IL13: variants seen among roughly 807,000 people sequenced by gnomAD.
IL13 encodes interleukin-13.
IL13 carries 9 observed loss-of-function variants against 11.1 expected under a neutral mutation model. The observed-to-expected ratio is 0.81, with a 90% confidence interval of 0.49 to 1.42. IL13 has a LOEUF of 1.42. Ranked by LOEUF, IL13 falls within the 40% of genes most tolerant of loss-of-function variation. The pLI, the probability that IL13 is intolerant of heterozygous loss-of-function variation, is 0.00. For synonymous variants in IL13, 75 were observed against 76.9 expected, an observed-to-expected ratio of 0.97 and a Z score of 0.13; for missense variants, 181 against 182.5, an observed-to-expected ratio of 0.99 and a Z score of 0.05.
rs1201333346 is a variant in IL13 at position 132,659,082 on chromosome 5, G to A, written c.175-336G>A. ...ATTTGTCTTGGTCAACAGTGGCCCA[G>A]GCCACTCCTACTTCACTCGTCCCCA... On this transcript the variant is annotated intron_variant, in intron 1 of 3. Transcript: ENST00000304506. This position sits in a 1 kb window ranked among gnomAD's most constrained non-coding sequence, Gnocchi z 4.1. 9.0e-6 allele frequency: 3 copies of A among 333,936 alleles called. No individual in the cohort carries two copies. Among genetic ancestry groups the A allele is most frequent in the Non-Finnish European group, 5.8e-6 (1 of 172,176 alleles). The allele number at this position is 333,936 out of a possible 1,614,324, so 20.7% of individuals were successfully genotyped here.
At position 132,659,705 on chromosome 5, in the gene IL13, C is replaced by G; in HGVS notation, c.229-19C>G. 1 of 1,612,170 alleles carries G rather than the reference C, an allele frequency of 6.2e-7. No homozygotes were observed. ...GCTGCCCAAGCAGGGCCTGACCCCT[C>G]GGTGTCCCCTCCCCACAGTACTGTG... On this transcript the variant is annotated intron_variant, in intron 2 of 3. Coordinates refer to ENST00000304506, the MANE Select transcript of IL13 (RefSeq NM_002188.3). This position sits in a 1 kb window ranked among gnomAD's most constrained non-coding sequence, Gnocchi z 4.1.
intron 3 of IL13, 75 bp from the exon 4 acceptor site, chr5:132,660,100 T>C: frequency 2.0e-6 from 3 of 1,470,092 alleles, no homozygotes; most frequent in Admixed American, 1.8e-5. Context: ...AGACAGTCCC[T>C]GGAAAGCCCC....
Position 132,659,142 on chromosome 5 carries a change from CCTGA to C in IL13, c.175-273_175-270del, listed in dbSNP as rs1238467642. On this transcript the variant is annotated intron_variant, in intron 1 of 3. Coordinates refer to ENST00000304506, the MANE Select transcript of IL13 (RefSeq NM_002188.3). The surrounding 1 kb of genome is among the most constrained non-coding windows in gnomAD (Gnocchi z 4.1). ...TTCCCGCAGGCCCCTGTCCTCCTGC[CCTGA>C]CTATGGCAAGCCTTGCATGCAGCTT... is the stretch of plus-strand genomic sequence containing the variant. 2 of 444,070 alleles carry C rather than the reference CCTGA, an allele frequency of 4.5e-6. No individual in the cohort carries two copies. Among genetic ancestry groups the C allele is most frequent in the East Asian group, 4.4e-5 (1 of 22,742 alleles). 27.5% of individuals were successfully genotyped at this position (444,070 alleles called of 1,614,324 possible).
Position 132,659,614 on chromosome 5 carries a change from C to A in IL13, c.229-110C>A. ...CCCGCCATAATCTGGCCCCTTCCCG[C>A]CCACCACCCAGACTCACCTGCGCCA... On this transcript the variant is annotated intron_variant, in intron 2 of 3. Transcript: ENST00000304506. This position sits in a 1 kb window ranked among gnomAD's most constrained non-coding sequence, Gnocchi z 4.1. 1 of 1,595,088 alleles carries A rather than the reference C, an allele frequency of 6.3e-7. No homozygotes were observed. Among genetic ancestry groups the A allele is most frequent in the Non-Finnish European group, 8.6e-7 (1 of 1,167,264 alleles).
chr5:132,659,173 T>A lies in IL13; in HGVS notation c.175-245T>A. The A allele has an allele frequency of 2.0e-6, 1 of 505,336 alleles. No homozygotes were observed. The highest frequency in any genetic ancestry group is 3.6e-5 in the East Asian group (1 of 28,048). 31.3% of individuals were successfully genotyped at this position (505,336 alleles called of 1,614,324 possible). ...TATGGCAAGCCTTGCATGCAGCTTG[T>A]CCCTTACTAGTGGTGTCAATTTTTT... On this transcript the variant is annotated intron_variant, in intron 1 of 3. Coordinates refer to ENST00000304506, the MANE Select transcript of IL13 (RefSeq NM_002188.3). This position sits in a 1 kb window ranked among gnomAD's most constrained non-coding sequence, Gnocchi z 4.1.
chr5:132,658,252 C>A lies in IL13; in HGVS notation c.66C>A (p.Val22=). The A allele has an allele frequency of 6.2e-7, 1 of 1,609,860 alleles. No homozygotes were observed. Among genetic ancestry groups the A allele is most frequent in the Non-Finnish European group, 8.5e-7 (1 of 1,176,058 alleles). ...TCATGGCGCTTTTGTTGACCACGGT[C>A]ATTGCTCTCACTTGCCTTGGCGGCT... is the stretch of plus-strand genomic sequence containing the variant. ...LGLMALLLTT[V]IALTCLGGFA... is the part of the protein sequence containing the mutation. The change falls in exon 1 of 4, where the codon GTC becomes GTA. Residue 22 remains valine (V), a synonymous_variant. Transcript: ENST00000304506.
Position 132,660,753 on chromosome 5 carries a change from A to G in IL13, c.*471A>G, listed in dbSNP as rs1295685. 133,285 of 167,038 alleles carry G rather than the reference A, an allele frequency of 0.8. 54,304 individuals carry two copies. Among genetic ancestry groups the G allele is most frequent in the African/African-American group, 0.94 (39,194 of 41,798 alleles). 10.3% of individuals were successfully genotyped at this position (167,038 alleles called of 1,614,324 possible). ...GGGATTGGGGAAGACTGTGGCTGCTAGCACTTGGAGCCAAGGGTTCAGAGA... is the reference window on the plus strand; with the variant it reads ...GGGATTGGGGAAGACTGTGGCTGCTGGCACTTGGAGCCAAGGGTTCAGAGA... On this transcript the variant is annotated 3_prime_UTR_variant, in exon 4 of 4. Transcript: ENST00000304506.
upstream of IL13, among the ~76,000 whole-genome samples, chr5:132,657,429 ATC>A (rs1752059135): frequency 7.2e-5 from 11 of 152,106 alleles, no homozygotes; most frequent in Admixed American, 7.2e-4. Flanking sequence ...AGGTGGGGGG[ATC>A]GCTTGAGTCT....
intron 1 of IL13, 174 bp downstream of exon 1, chr5:132,658,534 C>T (rs536445464): frequency 3.5e-6 from 2 of 565,014 alleles, no homozygotes; most frequent in African/African-American, 1.9e-5. Flanking sequence ...CTGGGGGGCT[C>T]AGCACTGTGG....
rs848 is a variant in IL13 at position 132,660,808 on chromosome 5, A to C, written c.*526A>C. The C allele has an allele frequency of 0.68, 108,015 of 158,878 alleles. 38,217 individuals are homozygous for C. The highest frequency in any genetic ancestry group is 0.8 in the Non-Finnish European group (56,935 of 71,458). The allele number at this position is 158,878 out of a possible 1,614,324, so 9.8% of individuals were successfully genotyped here. ...GGGCCCCAGCACTAAAGCAGTGGAC[A>C]CCAGGAGTCCCTGGTAATAAGTACT... On this transcript the variant is annotated 3_prime_UTR_variant, in exon 4 of 4. Transcript: ENST00000304506.
chr5:132,658,261 C>T lies in IL13; in HGVS notation c.75C>T (p.Leu25=), dbSNP rs200186367. 3.1e-6 allele frequency: 5 copies of T among 1,609,764 alleles called. No homozygotes were observed. Among genetic ancestry groups the T allele is most frequent in the Non-Finnish European group, 4.3e-6 (5 of 1,175,988 alleles). Reference sequence around the variant, plus strand: ...TTTTGTTGACCACGGTCATTGCTCTCACTTGCCTTGGCGGCTTTGCCTCCC... The same window carrying T: ...TTTTGTTGACCACGGTCATTGCTCTTACTTGCCTTGGCGGCTTTGCCTCCC... ...MALLLTTVIA[L]TCLGGFASPG... is the part of the protein sequence containing the mutation. Residue 25 remains leucine, a synonymous_variant, in exon 1 of 4, where the codon CTC becomes CTT. Transcript: ENST00000304506.
chr5:132,659,515 GC>G lies in IL13; in HGVS notation c.228+46del. On this transcript the variant is annotated intron_variant, in intron 2 of 3. Transcript: ENST00000304506. This position sits in a 1 kb window ranked among gnomAD's most constrained non-coding sequence, Gnocchi z 4.1. Reference sequence around the variant, plus strand: ...AGGGAGGATGGGGCAGAGGCTCCAGGCCTTGGGCTTATCTTCTCTGAGCCTC... The same window carrying G: ...AGGGAGGATGGGGCAGAGGCTCCAGGCTTGGGCTTATCTTCTCTGAGCCTC... The G allele has an allele frequency of 1.9e-6, 3 of 1,581,822 alleles. No individual in the cohort carries two copies. The highest frequency in any genetic ancestry group is 2.6e-6 in the Non-Finnish European group (3 of 1,154,126).
At position 132,660,560 on chromosome 5, in the gene IL13, C is replaced by G. The variant is rs1487591712; in HGVS notation, c.*278C>G. 1 of 391,610 alleles carries G rather than the reference C, an allele frequency of 2.6e-6. No individual in the cohort carries two copies. Among genetic ancestry groups the G allele is most frequent in the African/African-American group, 2.0e-5 (1 of 49,014 alleles). 24.3% of individuals were successfully genotyped at this position (391,610 alleles called of 1,614,324 possible). On this transcript the variant is annotated 3_prime_UTR_variant, in exon 4 of 4. Coordinates refer to ENST00000304506, the MANE Select transcript of IL13 (RefSeq NM_002188.3). ...CATGTCCCTACACCCCTCCCCTGCC[C>G]TAGAGCACACTGTAGCATTACAGTG...
chr5:132,660,988 A>G lies in IL13; in HGVS notation c.*706A>G. 6.5e-6 allele frequency: 1 copy of G among 152,852 alleles called. No homozygotes were observed. The highest frequency in any genetic ancestry group is 1.5e-5 in the Non-Finnish European group (1 of 68,054). 9.5% of individuals were successfully genotyped at this position (152,852 alleles called of 1,614,324 possible). ...TTATTGTTTTTCCTTGTATTTAAAT[A>G]TTAAATATGTTAGCAAAGAGTTAAT... On this transcript the variant is annotated 3_prime_UTR_variant, in exon 4 of 4. Coordinates refer to ENST00000304506, the MANE Select transcript of IL13 (RefSeq NM_002188.3).
In IL13 at chr5:132,659,574, A is replaced by G. The variant is rs1752107958; in HGVS notation, c.228+103A>G. Reference sequence around the variant, plus strand: ...TGGCTGGGGTTCCAAGCAAGCTTCAAGTGCTCTCCTCCCTCCCGCCATAAT... The same window carrying G: ...TGGCTGGGGTTCCAAGCAAGCTTCAGGTGCTCTCCTCCCTCCCGCCATAAT... On this transcript the variant is annotated intron_variant, in intron 2 of 3. Coordinates refer to ENST00000304506, the MANE Select transcript of IL13 (RefSeq NM_002188.3). This position sits in a 1 kb window ranked among gnomAD's most constrained non-coding sequence, Gnocchi z 4.1. The G allele has an allele frequency of 1.3e-6, 2 of 1,560,796 alleles. No individual in the cohort carries two copies. Among genetic ancestry groups the G allele is most frequent in the Non-Finnish European group, 1.7e-6 (2 of 1,146,250 alleles).
chr5:132,656,687 T>G (rs1391834121), upstream of IL13: 1 of 152,454 alleles, frequency 6.6e-6, no homozygotes, highest in Non-Finnish European at 1.5e-5. Flanking sequence ...CCGTGGGCCC[T>G]CTACTACAGA....
chr5:132,660,083 CTGAA>C (rs374830989), intron 3 of IL13, 88 bp from the exon 4 acceptor site: 13 of 1,367,526 alleles, frequency 9.5e-6, no homozygotes, highest in African/African-American at 4.3e-5. Flanking sequence ...TCCGTGAGGA[CTGAA>C]TGAGACAGTC....
Position 132,659,366 on chromosome 5 carries a change from C to T in IL13, c.175-52C>T. The T allele has an allele frequency of 7.2e-7, 1 of 1,381,652 alleles. No homozygotes were observed. Among genetic ancestry groups the T allele is most frequent in the South Asian group, 1.2e-5 (1 of 82,040 alleles). The allele number at this position is 1,381,652 out of a possible 1,614,324, so 85.6% of individuals were successfully genotyped here. Reference sequence around the variant, plus strand: ...GCAGACCTGGCCTGGGCTGCCAGGGCAGGCCCACAACCCCTGCCAGCACTC... The same window carrying T: ...GCAGACCTGGCCTGGGCTGCCAGGGTAGGCCCACAACCCCTGCCAGCACTC... On this transcript the variant is annotated intron_variant, in intron 1 of 3. Coordinates refer to ENST00000304506, the MANE Select transcript of IL13 (RefSeq NM_002188.3). This position sits in a 1 kb window ranked among gnomAD's most constrained non-coding sequence, Gnocchi z 4.1.
rs749795771 is a variant in IL13, at chr5:132,659,792, G to A, written c.297G>A (p.Met99Ile). ...GCSAIEKTQRMLSGFCPHKVS... is the reference protein window; with the variant it reads ...GCSAIEKTQRILSGFCPHKVS... ...GTGCCATCGAGAAGACCCAGAGGATGCTGAGCGGATTCTGCCCGCACAAGG... is the reference window on the plus strand; with the variant it reads ...GTGCCATCGAGAAGACCCAGAGGATACTGAGCGGATTCTGCCCGCACAAGG... Residue 99 changes from methionine to isoleucine, a missense_variant, in exon 3 of 4, where the codon ATG (methionine) becomes ATA (isoleucine). Physicochemically the swap from Met to Ile is conservative, Grantham distance 10. Coordinates refer to ENST00000304506, the MANE Select transcript of IL13 (RefSeq NM_002188.3). This position sits in a 1 kb window ranked among gnomAD's most constrained non-coding sequence, Gnocchi z 4.1. 1 of 1,613,776 alleles carries A rather than the reference G, an allele frequency of 6.2e-7. No homozygotes were observed. Among genetic ancestry groups the A allele is most frequent in the African/African-American group, 1.3e-5 (1 of 74,920 alleles).
Sources: allele counts gnomAD v4.1 joint callset (sites outside exome capture counted in the v4.1 genomes callset), GRCh38; gene constraint gnomAD v4.1.1; non-coding constraint Gnocchi (gnomAD v3.1); transcripts MANE v1.5; gene names NCBI Gene and HGNC (gene_info 2026-07-23, HGNC 2026-07-21).